The following PSIP1 variants were observed in gnomAD, a reference collection of about 807,000 sequenced individuals.
PSIP1 encodes PC4 and SRSF1 interacting protein 1.
Under a neutral mutation model 74.7 loss-of-function variants are expected in PSIP1, and 19 were observed. The ratio of observed to expected loss-of-function variants is 0.25; its 90% CI spans 0.18 to 0.37. The LOEUF (loss-of-function observed/expected upper bound fraction) is 0.37. Among genes scored for constraint, PSIP1 ranks in the 10% least tolerant of loss-of-function variants. PSIP1 has a pLI of 1.00. For missense variants in PSIP1, 601 were observed against 614.3 expected (o/e 0.98, Z 0.23); for synonymous variants, 222 against 195.3 (o/e 1.14, Z -1.14).
intron 3 of PSIP1, among the ~76,000 whole-genome samples, chr9:15,494,592 A>AAAAAC (rs1554662210): frequency 6.9e-6 from 1 of 144,154 alleles, no homozygotes; most frequent in African/African-American, 2.8e-5. Context: ...AAAAAAAAAA[A>AAAAAC]ATACACACAC....
chr9:15,496,440 A>G (rs75189038), intron 3 of PSIP1, among the ~76,000 whole-genome samples: 2,084 of 152,334 alleles, frequency 0.014, 40 homozygotes, highest in African/African-American at 0.048. Flanking sequence ...GTCTCACAAA[A>G]TAAGACATAG....
At chr9:15,493,777 C>A (rs2036946522) in intron 3 of PSIP1, among the ~76,000 whole-genome samples, 2 of 152,156 alleles carry the variant, frequency 1.3e-5, no homozygotes, top group South Asian at 4.1e-4. Context: ...CTCACTATCA[C>A]CATAACAGCA....
intron 3 of PSIP1, among the ~76,000 whole-genome samples, chr9:15,501,797 G>A (rs911190521): frequency 4.8e-5 from 7 of 147,094 alleles, no homozygotes; most frequent in Non-Finnish European, 8.9e-5. Context: ...GACCCCTGCA[G>A]ATACCAAAAT....
intron 4 of PSIP1, among the ~76,000 whole-genome samples, chr9:15,488,804 A>T (rs562722501): frequency 6.6e-6 from 1 of 151,382 alleles, no homozygotes; most frequent in Non-Finnish European, 1.5e-5. Context: ...GGCGGATCAC[A>T]AGGTCAGGAG....
Position 15,510,273 on chromosome 9 carries a change from CCCAGCTA to C in PSIP1, c.-92_-86del. On this transcript the variant is annotated 5_prime_UTR_variant, in exon 2 of 16. Coordinates refer to ENST00000380733, the MANE Select transcript of PSIP1 (RefSeq NM_033222.5). ...CGGGGATGCGGGCGGCGGACGCGGGCCCAGCTACCGGGCCCGCGGGCGGGGGAGGATG... is the reference window on the plus strand; with the variant it reads ...CGGGGATGCGGGCGGCGGACGCGGGCCCGGGCCCGCGGGCGGGGGAGGATG... 1 of 1,279,712 alleles carries C rather than the reference CCCAGCTA, an allele frequency of 7.8e-7. No individual in the cohort carries two copies. The highest frequency in any genetic ancestry group is 1.1e-6 in the Non-Finnish European group (1 of 924,518). The allele number at this position is 1,279,712 out of a possible 1,614,324, so 79.3% of individuals were successfully genotyped here.
rs2035456397 is a variant in PSIP1, at chr9:15,464,259, T to G, written c.*1261A>C. ...AAAAGCAAAAATGCAATTCTGTAGA[T>G]GAAAACAGTTATCTCAGAGGGTCAA... is the stretch of plus-strand genomic sequence containing the variant. On this transcript the variant is annotated 3_prime_UTR_variant, in exon 16 of 16. Transcript: ENST00000380733. The G allele has an allele frequency of 1.6e-5, 3 of 193,332 alleles. No homozygotes were observed. The Admixed American group carries it at 1.8e-4, about 12-fold the overall frequency. The allele number at this position is 193,332 out of a possible 1,614,324, so 12.0% of individuals were successfully genotyped here. A position where few individuals can be genotyped will look rare whatever the true frequency, so the allele number is the denominator to read the frequency against.
rs909807670 is a variant in PSIP1, at chr9:15,464,527, T to G, written c.*993A>C. 1.0e-5 allele frequency: 2 copies of G among 200,758 alleles called. No individual in the cohort carries two copies. Among genetic ancestry groups the G allele is most frequent in the African/African-American group, 4.6e-5 (2 of 43,536 alleles). 12.4% of individuals were successfully genotyped at this position (200,758 alleles called of 1,614,324 possible). On this transcript the variant is annotated 3_prime_UTR_variant, in exon 16 of 16. Transcript: ENST00000380733. ...CAAAGTACAATGCTGGAACAACTAG[T>G]GTTTGTATTTTTGGAATCTAGAAAA...
intron 6 of PSIP1, among the ~76,000 whole-genome samples, chr9:15,482,223 A>G (rs1328029139): frequency 6.6e-6 from 1 of 152,044 alleles, no homozygotes; most frequent in African/African-American, 2.4e-5. Flanking sequence ...ACAAATCCTC[A>G]AGAGAGGTTA....
intron 10 of PSIP1, chr9:15,470,504 A>G: frequency 1.3e-6 from 1 of 774,624 alleles, no homozygotes; most frequent in Non-Finnish European, 1.6e-6. Flanking sequence ...CACAAAAGGT[A>G]CCATTTTATT....
At chr9:15,507,327 G>A (rs1363176512) in intron 2 of PSIP1, among the ~76,000 whole-genome samples, 4 of 152,148 alleles carry the variant, frequency 2.6e-5, no homozygotes, top group African/African-American at 9.7e-5. Flanking sequence ...CAGACCTCAG[G>A]ACTAAAGCAG....
At chr9:15,495,512 G>A (rs1487401571) in intron 3 of PSIP1, among the ~76,000 whole-genome samples, 1 of 152,020 alleles carries the variant, frequency 6.6e-6, no homozygotes, top group Non-Finnish European at 1.5e-5. Flanking sequence ...TTAGTATGCT[G>A]TAACTTAAAA....
At chr9:15,509,526 C>T (rs1242351173) in intron 2 of PSIP1, among the ~76,000 whole-genome samples, 1 of 152,148 alleles carries the variant, frequency 6.6e-6, no homozygotes, top group Non-Finnish European at 1.5e-5. Context: ...TCATAAACAT[C>T]TCAAATAAAA....
At chr9:15,471,039 A>G in intron 10 of PSIP1, 2 of 1,448,852 alleles carry the variant, frequency 1.4e-6, no homozygotes, top group Non-Finnish European at 1.8e-6. Flanking sequence ...GCCATTAATA[A>G]TGAAGTCCTC....
At chr9:15,487,723 T>C (rs910133253) in intron 4 of PSIP1, among the ~76,000 whole-genome samples, 3 of 152,230 alleles carry the variant, frequency 2.0e-5, no homozygotes, top group African/African-American at 7.2e-5. Flanking sequence ...AGAAACCATG[T>C]AGCCATTCAA....
rs1490273247 is a variant in PSIP1, at chr9:15,465,002, A to C, written c.*518T>G. ...GTAGCACAATGTAGACTGTGAGATT[A>C]AAATTAACTTTTGATAAAAAGGGAG... On this transcript the variant is annotated 3_prime_UTR_variant, in exon 16 of 16. Coordinates refer to ENST00000380733, the MANE Select transcript of PSIP1 (RefSeq NM_033222.5). The C allele has an allele frequency of 1.4e-5, 3 of 219,858 alleles. No individual in the cohort carries two copies. Among genetic ancestry groups the C allele is most frequent in the Non-Finnish European group, 2.7e-5 (3 of 109,498 alleles). The allele number at this position is 219,858 out of a possible 1,614,324, so 13.6% of individuals were successfully genotyped here. A position where few individuals can be genotyped will look rare whatever the true frequency, so the allele number is the denominator to read the frequency against.
At position 15,469,305 on chromosome 9, in the gene PSIP1, T is replaced by C; in HGVS notation, c.1065A>G (p.Ile355Met). ...TGAGTGAATTTTTAATCTCAGCATG[T>C]ATCCTTTGAAGTCGAGAATCCATTG... ...ETSMDSRLQR[I>M]HAEIKNSLKI... The change falls in exon 12 of 16, where the codon ATA becomes ATG. Residue 355 changes from isoleucine to methionine, a missense_variant. This residue lies in a region of PSIP1 where 538 missense variants were observed against 507.6 expected (regional missense o/e 1.06). Transcript: ENST00000380733. 6.4e-7 allele frequency: 1 copy of C among 1,573,888 alleles called. No homozygotes were observed. The highest frequency in any genetic ancestry group is 8.6e-7 in the Non-Finnish European group (1 of 1,157,194).
At chr9:15,501,326 A>C (rs2037333321) in intron 3 of PSIP1, among the ~76,000 whole-genome samples, 1 of 152,122 alleles carries the variant, frequency 6.6e-6, no homozygotes, top group Non-Finnish European at 1.5e-5. Context: ...ACTTAAGTTA[A>C]TGATGACAAG....
At chr9:15,503,650 ACT>A (rs1322247995) in intron 3 of PSIP1, among the ~76,000 whole-genome samples, 2 of 150,014 alleles carry the variant, frequency 1.3e-5, no homozygotes, top group African/African-American at 2.5e-5. Context: ...ATGGAATGAG[ACT>A]CTGTCTCCAA....
intron 3 of PSIP1, among the ~76,000 whole-genome samples, chr9:15,504,300 A>T (rs1179257383): frequency 6.6e-6 from 1 of 152,128 alleles, no homozygotes; most frequent in Non-Finnish European, 1.5e-5. Flanking sequence ...TTAACCAAAC[A>T]ACAGTTTAGT....
Sources: allele counts gnomAD v4.1 joint callset (sites outside exome capture counted in the v4.1 genomes callset), GRCh38; gene constraint gnomAD v4.1.1; regional missense constraint gnomAD v4.1.1; transcripts MANE v1.5; gene names NCBI Gene and HGNC (gene_info 2026-07-23, HGNC 2026-07-21).